NOVA1: variants seen among roughly 807,000 people sequenced by gnomAD.
NOVA1 encodes the protein RNA-binding protein Nova-1.
A neutral mutation model predicts 38.0 loss-of-function variants in NOVA1; 7 were observed. The ratio of observed to expected loss-of-function variants is 0.18; its 90% CI spans 0.10 to 0.35. The LOEUF is 0.35. Among genes scored for constraint, NOVA1 ranks in the 10% least tolerant of loss-of-function variants. The pLI is 1.00. For synonymous variants in NOVA1, 270 were observed against 232.5 expected, an observed-to-expected ratio of 1.16 and a Z score of -1.47; for missense variants, 460 against 616.0, an observed-to-expected ratio of 0.75 and a Z score of 2.68.
At chr14:26,459,212 C>T (rs1027729417) in intron 4 of NOVA1, among the ~76,000 whole-genome samples, 3 of 152,042 alleles carry the variant, frequency 2.0e-5, no homozygotes, top group Non-Finnish European at 2.9e-5. Context: ...ATGTTATACA[C>T]GTATCATATA....
chr14:26,470,004 G>C (rs1884455876), intron 4 of NOVA1: 1 of 184,358 alleles, frequency 5.4e-6, no homozygotes, highest in African/African-American at 2.4e-5. Flanking sequence ...ACGTGTTAAG[G>C]GGTCTCAAGG....
At chr14:26,514,018 G>A (rs1342943185) in intron 2 of NOVA1, among the ~76,000 whole-genome samples, 1 of 151,674 alleles carries the variant, frequency 6.6e-6, no homozygotes, top group Non-Finnish European at 1.5e-5. Flanking sequence ...CATTCAAAAA[G>A]AGAATTAAAT....
chr14:26,532,299 GATAA>G (rs1293605776), intron 2 of NOVA1, among the ~76,000 whole-genome samples: 1 of 152,132 alleles, frequency 6.6e-6, no homozygotes, highest in Non-Finnish European at 1.5e-5. Flanking sequence ...TCCATTAATA[GATAA>G]ATAAACTGTG....
chr14:26,470,430 C>A (rs766069193), intron 4 of NOVA1: 53 of 1,538,558 alleles, frequency 3.4e-5, no homozygotes, highest in Non-Finnish European at 4.7e-5. Context: ...CAATGAATTA[C>A]GGATTTTGTT....
At chr14:26,583,881 T>TCACACA (rs36218600) in intron 2 of NOVA1, among the ~76,000 whole-genome samples, 2,845 of 145,976 alleles carry the variant, frequency 0.019, 109 homozygotes, top group African/African-American at 0.067. Flanking sequence ...AGCATCAAAT[T>TCACACA]CACACACACA....
At chr14:26,555,272 T>A (rs546709308) in intron 2 of NOVA1, among the ~76,000 whole-genome samples, 2 of 152,230 alleles carry the variant, frequency 1.3e-5, no homozygotes, top group African/African-American at 4.8e-5. Context: ...ATGGGCATTC[T>A]CTTAAAAATC....
At position 26,448,393 on chromosome 14, in the gene NOVA1, T is replaced by G. The variant is rs1594308788; in HGVS notation, c.1090A>C (p.Thr364Pro). The G allele has an allele frequency of 6.2e-7, 1 of 1,613,308 alleles. No homozygotes were observed. Among genetic ancestry groups the G allele is most frequent in the Non-Finnish European group, 8.5e-7 (1 of 1,179,898 alleles). The change falls in exon 5 of 5, where the codon ACC (threonine) becomes CCC (proline). Residue 364 changes from threonine (T) to proline (P), a missense_variant. By Grantham distance (38) the Thr-to-Pro change is conservative. Coordinates refer to ENST00000539517, the MANE Select transcript of NOVA1 (RefSeq NM_002515.3). This position sits in a 1 kb window ranked among gnomAD's most constrained non-coding sequence, Gnocchi z 5.3. ...CTGGCTGAGGCTTCACTGGCATAGG[T>G]GGCCAATAAATTGGCTGCTGCTGCT... Reference protein sequence around the residue: ...PAAAAANLLATYASEASASGS... With the variant: ...PAAAAANLLAPYASEASASGS...
intron 4 of NOVA1, among the ~76,000 whole-genome samples, chr14:26,453,633 CAT>C (rs894287723): frequency 1.3e-5 from 2 of 152,066 alleles, no homozygotes; most frequent in Non-Finnish European, 2.9e-5. Context: ...TAAAAACAGA[CAT>C]TAAGATATAT....
intron 2 of NOVA1, among the ~76,000 whole-genome samples, chr14:26,592,023 T>G (rs1244740077): frequency 6.6e-6 from 1 of 151,476 alleles, no homozygotes; most frequent in Non-Finnish European, 1.5e-5. Flanking sequence ...TTGACTGATG[T>G]AACGAATACC....
At chr14:26,592,471 C>A (rs1201590658) in intron 2 of NOVA1, among the ~76,000 whole-genome samples, 1 of 150,562 alleles carries the variant, frequency 6.6e-6, no homozygotes, top group Non-Finnish European at 1.5e-5. Context: ...TTTTGTAAAA[C>A]AGATAAATGG....
intron 2 of NOVA1, among the ~76,000 whole-genome samples, chr14:26,522,349 C>T (rs993967023): frequency 6.6e-6 from 1 of 152,122 alleles, no homozygotes; most frequent in African/African-American, 2.4e-5. Context: ...TAAAATACAT[C>T]TGCTGCAAAT....
intron 2 of NOVA1, among the ~76,000 whole-genome samples, chr14:26,553,191 C>A (rs1402564926): frequency 6.6e-6 from 1 of 152,128 alleles, no homozygotes; most frequent in Non-Finnish European, 1.5e-5. Context: ...TCCAATCGCC[C>A]AGGGGCTGGC....
At chr14:26,469,211 T>C (rs1383043106) in intron 4 of NOVA1, among the ~76,000 whole-genome samples, 2 of 152,202 alleles carry the variant, frequency 1.3e-5, no homozygotes, top group Non-Finnish European at 2.9e-5. Flanking sequence ...TTAGTTCTTA[T>C]AACGTTTCTT....
At chr14:26,555,004 C>T (rs898630609) in intron 2 of NOVA1, among the ~76,000 whole-genome samples, 1 of 151,898 alleles carries the variant, frequency 6.6e-6, no homozygotes, top group African/African-American at 2.4e-5. Context: ...GAAGCTAAAA[C>T]ATAATATCTC....
chr14:26,508,343 G>A (rs969227130), intron 2 of NOVA1, among the ~76,000 whole-genome samples: 10 of 151,966 alleles, frequency 6.6e-5, no homozygotes. Context: ...AAGTGAAAGA[G>A]TAAGTATGTT....
At chr14:26,569,216 T>C (rs551458773) in intron 2 of NOVA1, among the ~76,000 whole-genome samples, 1 of 152,266 alleles carries the variant, frequency 6.6e-6, no homozygotes, top group South Asian at 2.1e-4. Flanking sequence ...ACACATTTCA[T>C]AAGAGGTTTG....
intron 2 of NOVA1, chr14:26,593,074 T>C (rs1387899280): frequency 6.6e-6 from 1 of 151,840 alleles, no homozygotes; most frequent in Admixed American, 6.6e-5. Context: ...CAGTCATAAA[T>C]ATACATATAT....
chr14:26,545,239 C>T (rs993102696), intron 2 of NOVA1, among the ~76,000 whole-genome samples: 1 of 151,778 alleles, frequency 6.6e-6, no homozygotes, highest in Non-Finnish European at 1.5e-5. Context: ...AGAATAAACA[C>T]AGAAGGATCA....
At chr14:26,449,311 A>T (rs1381650059) in intron 4 of NOVA1, among the ~76,000 whole-genome samples, 1 of 152,170 alleles carries the variant, frequency 6.6e-6, no homozygotes, top group Non-Finnish European at 1.5e-5. Context: ...CAAAAATCAC[A>T]TGCTGTTGAT....
Sources: allele counts gnomAD v4.1 joint callset (sites outside exome capture counted in the v4.1 genomes callset), GRCh38; gene constraint gnomAD v4.1.1; non-coding constraint Gnocchi (gnomAD v3.1); transcripts MANE v1.5; gene names NCBI Gene and HGNC (gene_info 2026-07-23, HGNC 2026-07-21).